SYT17: variants seen among roughly 807,000 people sequenced by gnomAD.
SYT17 encodes synaptotagmin-17.
A neutral mutation model predicts 46.7 loss-of-function variants in SYT17; 22 were observed. The observed-to-expected ratio is 0.47, with a 90% CI of 0.34 to 0.67. The LOEUF is 0.67. Ranked by LOEUF, SYT17 falls within the 30% of genes least tolerant of loss-of-function variation. SYT17 has a pLI of 0.01. For missense variants in SYT17, 519 were observed against 612.8 expected (o/e 0.85, Z 1.62); for synonymous variants, 251 against 248.4 (o/e 1.01, Z -0.10).
At position 19,180,545 on chromosome 16, in the gene SYT17, T is replaced by A. The variant is rs1964509285; in HGVS notation, c.331+6T>A. ...CCTGACGCGGAGGATTTCGAGTAAG[T>A]ATCTCTGCTTTACCTTTCTGGGGGC... is the stretch of plus-strand genomic sequence containing the variant. On this transcript the variant is annotated splice_donor_region_variant and intron_variant, in intron 4 of 7. Coordinates refer to ENST00000355377, the MANE Select transcript of SYT17 (RefSeq NM_016524.4). 6.2e-7 allele frequency: 1 copy of A among 1,614,038 alleles called. No individual in the cohort carries two copies. Among genetic ancestry groups the A allele is most frequent in the Non-Finnish European group, 8.5e-7 (1 of 1,180,002 alleles).
intron 3 of SYT17, among the ~76,000 whole-genome samples, chr16:19,174,748 G>T (rs1420622363): frequency 6.7e-6 from 1 of 148,666 alleles, no homozygotes; most frequent in African/African-American, 2.4e-5. Flanking sequence ...TCTCAGAGTT[G>T]TCGAAGGGAG....
Position 19,168,751 on chromosome 16 carries a change from G to A in SYT17, c.15+90G>A. The A allele has an allele frequency of 1.4e-6, 2 of 1,382,630 alleles. No homozygotes were observed. Among genetic ancestry groups the A allele is most frequent in the Non-Finnish European group, 1.9e-6 (2 of 1,051,704 alleles). The allele number at this position is 1,382,630 out of a possible 1,614,324, so 85.6% of individuals were successfully genotyped here. A position where few individuals can be genotyped will look rare whatever the true frequency, so the allele number is the denominator to read the frequency against. ...GGAGCGCGCGGAAGGGAGGGCCCAC[G>A]GCTAGGCTCCCACAAACTTGCTTCG... is the stretch of plus-strand genomic sequence containing the variant. On this transcript the variant is annotated intron_variant, in intron 1 of 7. Coordinates refer to ENST00000355377, the MANE Select transcript of SYT17 (RefSeq NM_016524.4). The surrounding 1 kb of genome is among the most constrained non-coding windows in gnomAD (Gnocchi z 6.9).
intron 1 of SYT17, chr16:19,169,857 A>T (rs1964015572): frequency 6.6e-6 from 1 of 152,194 alleles, no homozygotes; most frequent in African/African-American, 2.4e-5. Context: ...TACAGTGATG[A>T]AAACAGCACA....
intron 7 of SYT17, among the ~76,000 whole-genome samples, chr16:19,245,119 C>T (rs898527247): frequency 2.0e-5 from 3 of 152,198 alleles, no homozygotes; most frequent in Non-Finnish European, 4.4e-5. Context: ...AAATTCCAGG[C>T]TGGCAAGAGC....
rs761897479 is a variant in SYT17 at position 19,184,128 on chromosome 16, C to T, written c.932C>T (p.Ala311Val). The change falls in exon 5 of 8, where the codon GCG becomes GTG. Residue 311 changes from alanine to valine, a missense_variant. Ala to Val is a moderately conservative substitution (Grantham distance 64). Transcript: ENST00000355377. Reference protein sequence around the residue: ...DLVKGGHWWKALIPSSQNEVE... With the variant: ...DLVKGGHWWKVLIPSSQNEVE... ...GTCAAGGGCGGGCACTGGTGGAAGG[C>T]GCTGATTCCCAGTTCTCAGGTAAGG... 114 of 1,613,654 alleles carry T rather than the reference C, an allele frequency of 7.1e-5. No homozygotes were observed. Among genetic ancestry groups the T allele is most frequent in the Non-Finnish European group, 9.4e-5 (111 of 1,179,604 alleles).
Position 19,256,067 on chromosome 16 carries a change from A to G in SYT17, c.1229-10813A>G, listed in dbSNP as rs116408923. Among the ~76,000 whole-genome samples, 327 of 152,320 alleles carry G rather than the reference A, an allele frequency of 2.1e-3. 1 individual carries two copies. Among genetic ancestry groups the G allele is most frequent in the African/African-American group, 7.6e-3 (315 of 41,580 alleles). ...CAGTGTGTGCCCTCTAGGCTCAAGG[A>G]AATAATAAAATAGAGGTAATCATAG... is the stretch of plus-strand genomic sequence containing the variant. On this transcript the variant is annotated intron_variant, in intron 7 of 7. Transcript: ENST00000355377.
At chr16:19,210,208 A>G (rs1032134044) in intron 5 of SYT17, among the ~76,000 whole-genome samples, 3 of 152,178 alleles carry the variant, frequency 2.0e-5, no homozygotes, top group Non-Finnish European at 2.9e-5. Flanking sequence ...TGTTAAATAT[A>G]GTAACACTAC....
rs143164478 is a variant in SYT17, at chr16:19,229,217, G to A, written c.1228+4379G>A. Among the ~76,000 whole-genome samples, 104 of 152,288 alleles carry A rather than the reference G, an allele frequency of 6.8e-4. No homozygotes were observed. In the Middle Eastern group the frequency reaches 0.02, roughly 30 times the overall value. On this transcript the variant is annotated intron_variant, in intron 7 of 7. Transcript: ENST00000355377. ...AAAGAAAGCGTATTAGTCCGTTCTC[G>A]CATTGTTACAATGAAATACCGAAGA...
intron 7 of SYT17, 81 bp from the exon 8 acceptor site, chr16:19,266,799 T>C: frequency 7.6e-7 from 1 of 1,320,392 alleles, no homozygotes; most frequent in Non-Finnish European, 1.0e-6. Flanking sequence ...ACTAATGGCC[T>C]CTTGTCTTCT....
chr16:19,255,822 C>T (rs9924031), intron 7 of SYT17, among the ~76,000 whole-genome samples: 2 of 152,014 alleles, frequency 1.3e-5, no homozygotes, highest in Non-Finnish European at 2.9e-5. Flanking sequence ...CTGCAGACCA[C>T]GACAAAGAGG....
chr16:19,266,778 C>G (rs966662541), intron 7 of SYT17, 102 bp from the exon 8 acceptor site: 21 of 1,066,220 alleles, frequency 2.0e-5, no homozygotes, highest in African/African-American at 1.6e-5. Context: ...TTGCAGTTGA[C>G]AAATGTGTAG....
chr16:19,224,622 T>A lies in SYT17; in HGVS notation c.1073-61T>A, dbSNP rs143268121. The A allele has an allele frequency of 1.4e-4, 227 of 1,575,826 alleles. 3 individuals are homozygous for A. The East Asian group carries it at 5.0e-3, about 35-fold the overall frequency. Reference sequence around the variant, plus strand: ...ATGGATGGGAGGTTGAATGGCAGAATGACTGGACGGATTAGGTTTCATGAT... The same window carrying A: ...ATGGATGGGAGGTTGAATGGCAGAAAGACTGGACGGATTAGGTTTCATGAT... On this transcript the variant is annotated intron_variant, in intron 6 of 7. Transcript: ENST00000355377.
chr16:19,261,852 G>A (rs1029628699), intron 7 of SYT17, among the ~76,000 whole-genome samples: 9 of 152,118 alleles, frequency 5.9e-5, no homozygotes, highest in East Asian at 5.8e-4. Context: ...ATGGATTTCC[G>A]TGGTATTATT....
chr16:19,259,885 A>G (rs1246099781), intron 7 of SYT17, among the ~76,000 whole-genome samples: 1 of 152,140 alleles, frequency 6.6e-6, no homozygotes, highest in Non-Finnish European at 1.5e-5. Flanking sequence ...CATGCGCCCA[A>G]GGTGGTCAGG....
intron 4 of SYT17, 40 bp downstream of exon 4, chr16:19,180,579 G>T (rs1335899975): frequency 6.2e-7 from 1 of 1,610,902 alleles, no homozygotes; most frequent in Non-Finnish European, 8.5e-7. Context: ...GCCCTGGCTG[G>T]CTTTCCCAGA....
chr16:19,232,256 T>C (rs57700626), intron 7 of SYT17, among the ~76,000 whole-genome samples: 2,962 of 133,034 alleles, frequency 0.022, 115 homozygotes, highest in African/African-American at 0.094. Flanking sequence ...AACAAGGCAA[T>C]GACAGACACG....
intron 4 of SYT17, among the ~76,000 whole-genome samples, chr16:19,181,968 C>A: frequency 7.3e-6 from 1 of 136,178 alleles, no homozygotes. Flanking sequence ...CACTACACTC[C>A]AGCTCAGGCA....
At chr16:19,230,880 G>T (rs1338812983) in intron 7 of SYT17, among the ~76,000 whole-genome samples, 1 of 152,130 alleles carries the variant, frequency 6.6e-6, no homozygotes, top group Non-Finnish European at 1.5e-5. Flanking sequence ...GCAATGCTTG[G>T]CTCAGAGAAA....
At chr16:19,223,204 G>A in intron 6 of SYT17, 39 bp downstream of exon 6, 2 of 1,603,074 alleles carry the variant, frequency 1.2e-6, no homozygotes, top group South Asian at 2.2e-5. Flanking sequence ...TTTATTAATG[G>A]GGCATCTGTG....
Sources: gnomAD v4.1 joint callset for allele counts (sites outside exome capture counted in the v4.1 genomes callset) on GRCh38, gnomAD v4.1.1 for gene constraint, Gnocchi (gnomAD v3.1) non-coding constraint, MANE v1.5 for transcripts, NCBI Gene and HGNC (gene_info 2026-07-23, HGNC 2026-07-21) for gene names.